The following TFEC variants were observed in gnomAD, a reference collection of about 807,000 sequenced individuals.
TFEC encodes the protein class E basic helix-loop-helix protein 34.
In TFEC, 31 loss-of-function variants were observed where a neutral mutation model predicts 41.6. The ratio of observed to expected loss-of-function variants is 0.74; its 90% CI spans 0.56 to 1.01. The LOEUF (loss-of-function observed/expected upper bound fraction) is 1.01, where lower values mean the gene tolerates loss of function less well. Ranked by LOEUF, TFEC falls within the 50% of genes least tolerant of loss-of-function variation. The pLI, the probability that TFEC is intolerant of heterozygous loss-of-function variation, is 0.00. For synonymous variants in TFEC, 143 were observed against 140.6 expected, an observed-to-expected ratio of 1.02 and a Z score of -0.12; for missense variants, 402 against 404.1, an observed-to-expected ratio of 0.99 and a Z score of 0.04.
At chr7:115,993,439 A>G (rs922935682) in intron 1 of TFEC, among the ~76,000 whole-genome samples, 1 of 152,192 alleles carries the variant, frequency 6.6e-6, no homozygotes, top group African/African-American at 2.4e-5. Flanking sequence ...AGATGACATG[A>G]TTGTATATTT....
chr7:116,013,900 G>C (rs1227873032), intron 1 of TFEC, among the ~76,000 whole-genome samples: 2 of 152,046 alleles, frequency 1.3e-5, no homozygotes, highest in Non-Finnish European at 2.9e-5. Flanking sequence ...ATCACCATAT[G>C]CTGCAAGATC....
At chr7:116,136,885 C>T (rs1798443809) in intron 1 of TFEC, among the ~76,000 whole-genome samples, 1 of 151,862 alleles carries the variant, frequency 6.6e-6, no homozygotes, top group Non-Finnish European at 1.5e-5. Context: ...AATTATGTGA[C>T]TTTTTAAAGC....
chr7:115,995,448 T>C (rs532117530), intron 1 of TFEC, among the ~76,000 whole-genome samples: 1 of 152,260 alleles, frequency 6.6e-6, no homozygotes, highest in African/African-American at 2.4e-5. Flanking sequence ...TTAAAATTAA[T>C]GACAGCAATT....
intron 3 of TFEC, among the ~76,000 whole-genome samples, chr7:115,967,551 T>C (rs964934301): frequency 1.3e-5 from 2 of 151,848 alleles, no homozygotes; most frequent in Non-Finnish European, 2.9e-5. Context: ...TTAATATTCC[T>C]CTAAATTTGT....
intron 3 of TFEC, among the ~76,000 whole-genome samples, chr7:116,110,085 G>A (rs7811943): frequency 4.5e-4 from 68 of 152,262 alleles, no homozygotes; most frequent in Middle Eastern, 3.4e-3. Context: ...ATGGAGTGGG[G>A]GGAAGGGGGA....
chr7:116,060,590 C>T (rs1796531073), intron 3 of TFEC, among the ~76,000 whole-genome samples: 1 of 152,068 alleles, frequency 6.6e-6, no homozygotes, highest in Non-Finnish European at 1.5e-5. Flanking sequence ...GGGCTATTAG[C>T]CTTAGCAAAC....
At chr7:116,037,284 T>C (rs936630187) in intron 3 of TFEC, among the ~76,000 whole-genome samples, 20 of 152,042 alleles carry the variant, frequency 1.3e-4, no homozygotes, top group Non-Finnish European at 2.5e-4. Flanking sequence ...CAATCATTAT[T>C]TATGAAAACT....
chr7:115,970,042 TCTGGC>T, intron 3 of TFEC, among the ~76,000 whole-genome samples: 2 of 152,112 alleles, frequency 1.3e-5, no homozygotes, highest in East Asian at 3.9e-4. Flanking sequence ...AATATATAAG[TCTGGC>T]ATATAGGGGA....
In TFEC at chr7:116,147,700, T is replaced by TAC. The variant is rs1345584199; in HGVS notation, c.-69+12089_-69+12090insGT. Among the ~76,000 whole-genome samples, 4 of 152,254 alleles carry TAC rather than the reference T, an allele frequency of 2.6e-5. No homozygotes were observed. In the South Asian group the frequency reaches 6.2e-4, roughly 24 times the overall value. On this transcript the variant is annotated intron_variant, in intron 1 of 8. Transcript: ENST00000484212. ...ATAGTTTGCTGAGATGGATGATTTC[T>TAC]CAGTGACAATAATGGAAGAGTGGAA... is the stretch of plus-strand genomic sequence containing the variant.
At chr7:116,147,093 G>C (rs1205810378) in intron 1 of TFEC, among the ~76,000 whole-genome samples, 1 of 152,096 alleles carries the variant, frequency 6.6e-6, no homozygotes, top group Non-Finnish European at 1.5e-5. Flanking sequence ...AAATATTAAA[G>C]TTAAAAGATG....
At chr7:115,948,377 C>G (rs1391647232) in intron 6 of TFEC, among the ~76,000 whole-genome samples, 2 of 151,824 alleles carry the variant, frequency 1.3e-5, no homozygotes, top group East Asian at 3.9e-4. Flanking sequence ...ATACCAAAGC[C>G]GGGCAGAGAC....
chr7:116,065,431 G>A (rs1432932594), intron 3 of TFEC, among the ~76,000 whole-genome samples: 1 of 152,042 alleles, frequency 6.6e-6, no homozygotes, highest in Admixed American at 6.6e-5. Flanking sequence ...ATTAATCTAA[G>A]CAAAATAACA....
intron 3 of TFEC, among the ~76,000 whole-genome samples, chr7:116,109,596 G>C (rs1797802256): frequency 6.6e-6 from 1 of 152,198 alleles, no homozygotes; most frequent in African/African-American, 2.4e-5. Context: ...AGAGGATGTG[G>C]AGAAATAGGA....
chr7:116,113,463 T>A (rs545026009), intron 1 of TFEC, among the ~76,000 whole-genome samples: 39 of 152,054 alleles, frequency 2.6e-4, no homozygotes, highest in African/African-American at 9.2e-4. Flanking sequence ...ACAACTTGAT[T>A]TGAGAATTCT....
intron 3 of TFEC, among the ~76,000 whole-genome samples, chr7:115,967,395 A>C (rs1792907708): frequency 6.6e-6 from 1 of 151,782 alleles, no homozygotes; most frequent in Non-Finnish European, 1.5e-5. Context: ...AATAAACTTC[A>C]TGTATAAAGA....
chr7:116,055,916 T>G (rs1488729676), intron 3 of TFEC, among the ~76,000 whole-genome samples: 1 of 152,122 alleles, frequency 6.6e-6, no homozygotes, highest in Admixed American at 6.6e-5. Flanking sequence ...ATGCCGTTTC[T>G]GTTCTTATTA....
At chr7:116,066,585 G>C (rs900396525) in intron 3 of TFEC, among the ~76,000 whole-genome samples, 3 of 151,928 alleles carry the variant, frequency 2.0e-5, no homozygotes, top group African/African-American at 7.2e-5. Context: ...CAGTTGTAAT[G>C]AGCCTAGGAA....
intron 1 of TFEC, among the ~76,000 whole-genome samples, chr7:116,000,453 C>A (rs1272672579): frequency 6.6e-6 from 1 of 151,924 alleles, no homozygotes; most frequent in African/African-American, 2.4e-5. Flanking sequence ...AGCAATCAGA[C>A]AAGAGAAAGA....
intron 1 of TFEC, among the ~76,000 whole-genome samples, chr7:116,145,209 T>C (rs952817690): frequency 6.6e-6 from 1 of 152,188 alleles, no homozygotes; most frequent in Admixed American, 6.5e-5. Flanking sequence ...AAAATTCACC[T>C]GTCCTAATCT....
Sources: gnomAD v4.1 joint callset for allele counts (sites outside exome capture counted in the v4.1 genomes callset) on GRCh38, gnomAD v4.1.1 for gene constraint, MANE v1.5 for transcripts, NCBI Gene and HGNC (gene_info 2026-07-23, HGNC 2026-07-21) for gene names.